The following CDH20 variants were observed in gnomAD, a reference collection of about 807,000 sequenced individuals.
The protein encoded by CDH20 is cadherin 20.
In CDH20, 29 loss-of-function variants were observed where a neutral mutation model predicts 74.2. The ratio of observed to expected loss-of-function variants is 0.39; its 90% CI spans 0.29 to 0.53. CDH20 has a LOEUF of 0.53. Among genes scored for constraint, CDH20 ranks in the 20% least tolerant of loss-of-function variants. CDH20 has a pLI of 0.69. For missense variants in CDH20, 988 were observed against 1,048.3 expected (o/e 0.94, Z 0.79); for synonymous variants, 469 against 405.4 (o/e 1.16, Z -1.88).
chr18:61,486,832 GC>G (rs1321046528), intron 1 of CDH20, among the ~76,000 whole-genome samples: 2 of 152,138 alleles, frequency 1.3e-5, no homozygotes, highest in Non-Finnish European at 2.9e-5. Flanking sequence ...TGTCATTTGA[GC>G]TTTGCTAAGC....
chr18:61,551,486 G>T (rs936347827), intron 11 of CDH20, among the ~76,000 whole-genome samples: 1 of 152,146 alleles, frequency 6.6e-6, no homozygotes, highest in African/African-American at 2.4e-5. Context: ...TTTCTAGGTA[G>T]GTCCGTGCAA....
At chr18:61,451,050 T>C (rs1166099264) in intron 1 of CDH20, among the ~76,000 whole-genome samples, 3 of 152,074 alleles carry the variant, frequency 2.0e-5, no homozygotes, top group Non-Finnish European at 4.4e-5. Flanking sequence ...GGTCAAAGAA[T>C]TGGTAAAGTT....
intron 5 of CDH20, among the ~76,000 whole-genome samples, chr18:61,504,227 T>TA (rs1156542911): frequency 6.6e-6 from 1 of 152,116 alleles, no homozygotes; most frequent in Non-Finnish European, 1.5e-5. Context: ...GGGCAGAGAC[T>TA]AGGAGCAGGG....
chr18:61,504,323 T>A (rs1157217431), intron 5 of CDH20, among the ~76,000 whole-genome samples: 1 of 152,124 alleles, frequency 6.6e-6, no homozygotes, highest in African/African-American at 2.4e-5. Context: ...ATGGGACAAA[T>A]GAGGAAACAT....
At chr18:61,352,312 TTATCTATATCAG>T (rs1910331472) in intron 1 of CDH20, among the ~76,000 whole-genome samples, 3 of 152,216 alleles carry the variant, frequency 2.0e-5, no homozygotes, top group Admixed American at 1.3e-4. Flanking sequence ...GAATTCTTGA[TTATCTATATCAG>T]TAACTGTGGT....
At chr18:61,365,564 T>A (rs1910830309) in intron 1 of CDH20, among the ~76,000 whole-genome samples, 1 of 152,180 alleles carries the variant, frequency 6.6e-6, no homozygotes, top group African/African-American at 2.4e-5. Context: ...TTTTTTAAAC[T>A]CACTTCTGGC....
intron 1 of CDH20, among the ~76,000 whole-genome samples, chr18:61,362,860 T>C (rs1480884309): frequency 6.6e-6 from 1 of 152,160 alleles, no homozygotes; most frequent in Non-Finnish European, 1.5e-5. Flanking sequence ...TATACATGTT[T>C]AATTTACTTA....
intron 1 of CDH20, among the ~76,000 whole-genome samples, chr18:61,442,859 T>C (rs1464779188): frequency 6.6e-6 from 1 of 152,080 alleles, no homozygotes; most frequent in Non-Finnish European, 1.5e-5. Context: ...TCTGGCCTTC[T>C]GAGGCCCTCA....
At chr18:61,345,373 T>C (rs1910082677) in intron 1 of CDH20, among the ~76,000 whole-genome samples, 1 of 152,182 alleles carries the variant, frequency 6.6e-6, no homozygotes. Context: ...GCAGGAGGCT[T>C]TGCTGGGCCT....
chr18:61,447,182 G>A (rs1229246684), intron 1 of CDH20, among the ~76,000 whole-genome samples: 1 of 152,144 alleles, frequency 6.6e-6, no homozygotes, highest in Admixed American at 6.6e-5. Context: ...TTGAATATGG[G>A]GACCTAGTGA....
rs1415668565 is a variant in CDH20, at chr18:61,538,625, G to GTT, written c.1409-389_1409-388dup. ...TTGTTTTTGTTTTTGTTTTTGTTTT[G>GTT]TTTTTTTTTTTGAGACGGAGTCTTA... is the stretch of plus-strand genomic sequence containing the variant. On this transcript the variant is annotated intron_variant, in intron 8 of 11. Transcript: ENST00000262717. Among the ~76,000 whole-genome samples the GTT allele has an allele frequency of 4.1e-4, 22 of 53,772 alleles. 4 individuals are homozygous for GTT. Among genetic ancestry groups the GTT allele is most frequent in the South Asian group, 8.5e-4 (1 of 1,172 alleles). The allele number at this position is 53,772 out of a possible 152,430, so 35.3% of individuals were successfully genotyped here.
chr18:61,450,627 G>A (rs925481138), intron 1 of CDH20, among the ~76,000 whole-genome samples: 1 of 151,890 alleles, frequency 6.6e-6, no homozygotes, highest in Non-Finnish European at 1.5e-5. Flanking sequence ...AAAATAGAAA[G>A]GTTTGCCTCT....
intron 6 of CDH20, among the ~76,000 whole-genome samples, chr18:61,514,222 C>T (rs1911895968): frequency 6.6e-6 from 1 of 151,364 alleles, no homozygotes; most frequent in Admixed American, 6.6e-5. Context: ...TTTCTCTAAA[C>T]TTCCCTTCTC....
intron 1 of CDH20, among the ~76,000 whole-genome samples, chr18:61,335,530 G>A (rs1909729477): frequency 6.6e-6 from 1 of 152,150 alleles, no homozygotes; most frequent in African/African-American, 2.4e-5. Flanking sequence ...TTATAAATTG[G>A]AACCGAGCTC....
At chr18:61,410,860 T>C (rs941351781) in intron 1 of CDH20, among the ~76,000 whole-genome samples, 7 of 152,194 alleles carry the variant, frequency 4.6e-5, no homozygotes, top group African/African-American at 9.7e-5. Flanking sequence ...GCATAAGACC[T>C]AGAACTCATG....
intron 1 of CDH20, among the ~76,000 whole-genome samples, chr18:61,447,834 T>C (rs899534075): frequency 2.0e-5 from 3 of 152,124 alleles, no homozygotes; most frequent in African/African-American, 7.2e-5. Flanking sequence ...GGTTACTCCT[T>C]CTCTCCTAGC....
At position 61,505,335 on chromosome 18, in the gene CDH20, C is replaced by CTTT. The variant is rs35833642; in HGVS notation, c.830-2020_830-2018dup. On this transcript the variant is annotated intron_variant, in intron 5 of 11. Coordinates refer to ENST00000262717, the MANE Select transcript of CDH20 (RefSeq NM_031891.4). The stretch of plus-strand genomic sequence containing the variant: ...TTAGTCTTGCCTCCGAAACCAATAT[C>CTTT]TTTTTTTTTTTTTTTTTTTTGAGAC... Among the ~76,000 whole-genome samples the CTTT allele has an allele frequency of 6.8e-3, 799 of 117,394 alleles. 10 individuals carry two copies. The highest frequency in any genetic ancestry group is 0.025 in the African/African-American group (774 of 30,612). 77.0% of individuals were successfully genotyped at this position (117,394 alleles called of 152,430 possible).
At chr18:61,445,240 G>A (rs1041550098) in intron 1 of CDH20, among the ~76,000 whole-genome samples, 38 of 151,950 alleles carry the variant, frequency 2.5e-4, no homozygotes, top group African/African-American at 8.9e-4. Flanking sequence ...TCACTATGTG[G>A]TGTCTTACAG....
chr18:61,553,616 T>G (rs752283285), intron 11 of CDH20, among the ~76,000 whole-genome samples: 2 of 152,194 alleles, frequency 1.3e-5, no homozygotes, highest in Non-Finnish European at 2.9e-5. Context: ...TCACTTATGT[T>G]CTGTTGTTTT....
Sources: allele counts gnomAD v4.1 joint callset (sites outside exome capture counted in the v4.1 genomes callset), GRCh38; gene constraint gnomAD v4.1.1; transcripts MANE v1.5; gene names NCBI Gene and HGNC (gene_info 2026-07-23, HGNC 2026-07-21).